The following PPP1R16A variants were observed in gnomAD, a reference collection of about 807,000 sequenced individuals.
PPP1R16A encodes the protein myosin phosphatase-targeting subunit 3.
PPP1R16A carries 39 observed loss-of-function variants against 46.6 expected under a neutral mutation model. The observed-to-expected ratio is 0.84, with a 90% CI of 0.65 to 1.09. PPP1R16A has a LOEUF of 1.09. PPP1R16A is among the 50% of genes least tolerant of loss of function. PPP1R16A has a pLI of 0.00. For missense variants in PPP1R16A, 798 were observed against 735.6 expected (o/e 1.08, Z -0.98); for synonymous variants, 413 against 321.5 (o/e 1.28, Z -3.04).
Position 144,497,409 on chromosome 8 carries a change from G to C in PPP1R16A, c.215G>C (p.Ser72Thr), listed in dbSNP as rs1554890123. The C allele has an allele frequency of 1.2e-6, 2 of 1,613,058 alleles. No homozygotes were observed. Among genetic ancestry groups the C allele is most frequent in the Admixed American group, 1.7e-5 (1 of 60,030 alleles). The stretch of plus-strand genomic sequence containing the variant: ...CTGAAGCAGGTCCTCTTCCCTCCCA[G>C]TGTTGTCCTTCTGGAGGCCGCTGCC... ...GLLKQVLFPP[S>T]VVLLEAAARN... The change falls in exon 3 of 12, where the codon AGT becomes ACT. Residue 72 changes from serine to threonine, a missense_variant. By Grantham distance (58) the Ser-to-Thr change is moderately conservative. Coordinates refer to ENST00000435887, the MANE Select transcript of PPP1R16A (RefSeq NM_001329443.2).
chr8:144,483,103 A>G (rs139046396), intron 1 of PPP1R16A, among the ~76,000 whole-genome samples: 323 of 152,248 alleles, frequency 2.1e-3, no homozygotes, highest in African/African-American at 7.3e-3. Context: ...TCTTTTGCGT[A>G]TGTACCCAGA....
chr8:144,501,341 T>G, intron 11 of PPP1R16A, 47 bp downstream of exon 11: 2 of 1,530,640 alleles, frequency 1.3e-6, no homozygotes, highest in South Asian at 2.4e-5. Context: ...TGGGCCTGGC[T>G]CTGCCCTGGT....
Position 144,500,988 on chromosome 8 carries a change from G to GC in PPP1R16A, c.1037+18dup, listed in dbSNP as rs1486610955. ...CAGCCGCGGGTGAGCGCCGCCCCCA[G>GC]CAGGCCCCGCCCCGGGCTTGGCCCC... On this transcript the variant is annotated intron_variant, in intron 10 of 11. Transcript: ENST00000435887. 4 of 1,433,900 alleles carry GC rather than the reference G, an allele frequency of 2.8e-6. No individual in the cohort carries two copies. The allele number at this position is 1,433,900 out of a possible 1,614,324, so 88.8% of individuals were successfully genotyped here.
At position 144,501,568 on chromosome 8, in the gene PPP1R16A, T is replaced by TCCC; in HGVS notation, c.1254_1256dup (p.Pro419dup). Reference sequence around the variant, plus strand: ...GCCGCACAATGGCCGAGTAGGGGGCTCCCCAGTGCGGCATCTATACTCCAA... The same window carrying TCCC: ...GCCGCACAATGGCCGAGTAGGGGGCTCCCCCCCAGTGCGGCATCTATACTCCAA... On this transcript the variant is annotated inframe_insertion, in exon 12 of 12. Transcript: ENST00000435887. 1 of 1,593,550 alleles carries TCCC rather than the reference T, an allele frequency of 6.3e-7. No homozygotes were observed.
At chr8:144,492,926 T>A (rs1214768497) in intron 2 of PPP1R16A, among the ~76,000 whole-genome samples, 1 of 152,022 alleles carries the variant, frequency 6.6e-6, no homozygotes. Context: ...CCATGGACAC[T>A]GGGAGATGGG....
intron 3 of PPP1R16A, 44 bp from the exon 4 acceptor site, chr8:144,498,726 G>T: frequency 1.3e-6 from 2 of 1,533,218 alleles, no homozygotes; most frequent in South Asian, 2.5e-5. Flanking sequence ...GACAGGACCT[G>T]ACCAGGGGCA....
chr8:144,486,207 G>C (rs1825621940), intron 1 of PPP1R16A, among the ~76,000 whole-genome samples: 1 of 151,760 alleles, frequency 6.6e-6, no homozygotes, highest in Admixed American at 6.6e-5. Flanking sequence ...GCAGTGGTGT[G>C]ATCTCGCGCC....
At position 144,500,684 on chromosome 8, in the gene PPP1R16A, A is replaced by C. The variant is rs1826383773; in HGVS notation, c.832-2A>C. On this transcript the variant is annotated splice_acceptor_variant, in intron 8 of 11. Coordinates refer to ENST00000435887, the MANE Select transcript of PPP1R16A (RefSeq NM_001329443.2). LOFTEE classifies it high-confidence loss of function. Reference sequence around the variant, plus strand: ...TCTGCAGCTCCGGCCTGCCGTCCACAGGTGCCCCTGGTGGAGCTGCTCGTG... The same window carrying C: ...TCTGCAGCTCCGGCCTGCCGTCCACCGGTGCCCCTGGTGGAGCTGCTCGTG... The C allele has an allele frequency of 6.2e-7, 1 of 1,610,398 alleles. No homozygotes were observed. The highest frequency in any genetic ancestry group is 8.5e-7 in the Non-Finnish European group (1 of 1,179,516).
chr8:144,480,276 GGC>G, intron 1 of PPP1R16A, among the ~76,000 whole-genome samples: 1 of 152,118 alleles, frequency 6.6e-6, no homozygotes, highest in Non-Finnish European at 1.5e-5. Context: ...TGAAGGGCTA[GGC>G]AGCAAACATT....
In PPP1R16A at chr8:144,496,741, TCAGGGGCTCA is replaced by T. The variant is rs1373615683; in HGVS notation, c.-444_-435del. Reference sequence around the variant, plus strand: ...AGCCTAGAAGGTGAAAAGAGGACTCTCAGGGGCTCACAGGGGCTCTCACTGCTGGTTGGCC... The same window carrying T: ...AGCCTAGAAGGTGAAAAGAGGACTCTCAGGGGCTCTCACTGCTGGTTGGCC... On this transcript the variant is annotated 5_prime_UTR_variant, in exon 3 of 12. Transcript: ENST00000435887. 4 of 228,190 alleles carry T rather than the reference TCAGGGGCTCA, an allele frequency of 1.8e-5. No individual in the cohort carries two copies. Among genetic ancestry groups the T allele is most frequent in the Non-Finnish European group, 3.5e-5 (4 of 112,790 alleles). The allele number at this position is 228,190 out of a possible 1,614,324, so 14.1% of individuals were successfully genotyped here.
chr8:144,489,455 C>G (rs1341639178), intron 1 of PPP1R16A, among the ~76,000 whole-genome samples: 1 of 151,802 alleles, frequency 6.6e-6, no homozygotes, highest in East Asian at 1.9e-4. Context: ...GACACTCAGA[C>G]CCTCCCTCCT....
intron 2 of PPP1R16A, among the ~76,000 whole-genome samples, chr8:144,492,140 C>T (rs1001938892): frequency 3.9e-5 from 6 of 152,138 alleles, no homozygotes; most frequent in East Asian, 1.9e-4. Context: ...CCGTCACTGC[C>T]GGGGCTCCCG....
chr8:144,499,071 G>A lies in PPP1R16A; in HGVS notation c.476+10G>A, dbSNP rs758829737. Reference sequence around the variant, plus strand: ...AGCTGCTCATCGCCAGGTAGGGCCTGTTGGGCGTCCTTGGCAGGGAGAGGC... The same window carrying A: ...AGCTGCTCATCGCCAGGTAGGGCCTATTGGGCGTCCTTGGCAGGGAGAGGC... On this transcript the variant is annotated intron_variant, in intron 5 of 11. Coordinates refer to ENST00000435887, the MANE Select transcript of PPP1R16A (RefSeq NM_001329443.2). 6.4e-7 allele frequency: 1 copy of A among 1,565,864 alleles called. No individual in the cohort carries two copies. The highest frequency in any genetic ancestry group is 1.3e-5 in the African/African-American group (1 of 74,320).
At position 144,493,911 on chromosome 8, in the gene PPP1R16A, C is replaced by T. The variant is rs1172055009; in HGVS notation, c.-734-2550C>T. Among the ~76,000 whole-genome samples, 2 of 152,058 alleles carry T rather than the reference C, an allele frequency of 1.3e-5. No individual in the cohort carries two copies. Among genetic ancestry groups the T allele is most frequent in the East Asian group, 1.9e-4 (1 of 5,184 alleles). On this transcript the variant is annotated intron_variant, in intron 2 of 11. Transcript: ENST00000435887. The surrounding 1 kb of genome is among the most constrained non-coding windows in gnomAD (Gnocchi z 4.3). Reference sequence around the variant, plus strand: ...TGGGGTGGGGGAGGTAGAGCCTCCCCGCCCGTGGGCCTCCCTCTGCAGCCA... The same window carrying T: ...TGGGGTGGGGGAGGTAGAGCCTCCCTGCCCGTGGGCCTCCCTCTGCAGCCA...
In PPP1R16A at chr8:144,501,817, G is replaced by T. The variant is rs1361299214; in HGVS notation, c.1501G>T (p.Ala501Ser). The T allele has an allele frequency of 1.3e-6, 2 of 1,552,710 alleles. No individual in the cohort carries two copies. The highest frequency in any genetic ancestry group is 4.9e-5 in the East Asian group (2 of 41,180). Reference protein sequence around the residue: ...VTPQPDCGFRAGGDPPLLKLT... With the variant: ...VTPQPDCGFRSGGDPPLLKLT... ...CCCCCAGCCTGACTGTGGCTTCAGG[G>T]CAGGCGGGGACCCACCCCTGCTCAA... Residue 501 changes from alanine (A) to serine (S), a missense_variant, in exon 12 of 12, where the codon GCA (alanine) becomes TCA (serine). By Grantham distance (99) the Ala-to-Ser change is moderately conservative. Transcript: ENST00000435887.
intron 5 of PPP1R16A, 155 bp from the exon 6 acceptor site, chr8:144,499,941 G>T: frequency 1.5e-6 from 1 of 681,134 alleles, no homozygotes; most frequent in East Asian, 2.7e-5. Flanking sequence ...GACAGCCGAT[G>T]GGCCCCAAGG....
chr8:144,493,903 A>AGCCTCCCCGCCCGTGG lies in PPP1R16A; in HGVS notation c.-734-2550_-734-2535dup, dbSNP rs1302366104. ...GTGCTGGGTGGGGTGGGGGAGGTAG[A>AGCCTCCCCGCCCGTGG]GCCTCCCCGCCCGTGGGCCTCCCTC... On this transcript the variant is annotated intron_variant, in intron 2 of 11. Transcript: ENST00000435887. The surrounding 1 kb of genome is among the most constrained non-coding windows in gnomAD (Gnocchi z 4.3). Among the ~76,000 whole-genome samples the AGCCTCCCCGCCCGTGG allele has an allele frequency of 1.3e-5, 2 of 151,538 alleles. No homozygotes were observed. The highest frequency in any genetic ancestry group is 2.9e-5 in the Non-Finnish European group (2 of 67,828).
At chr8:144,495,418 G>C (rs1192191109) in intron 2 of PPP1R16A, 1 of 152,232 alleles carries the variant, frequency 6.6e-6, no homozygotes, top group East Asian at 1.9e-4. Context: ...GCAGAGCACG[G>C]AGTGCCTTCT....
At chr8:144,499,590 C>A (rs2721150) in intron 5 of PPP1R16A, 1 of 182,386 alleles carries the variant, frequency 5.5e-6, no homozygotes, top group Admixed American at 5.5e-5. Flanking sequence ...GTGGGGTGTG[C>A]ATGGCGGTCG....
Sources: gnomAD v4.1 joint callset for allele counts (sites outside exome capture counted in the v4.1 genomes callset) on GRCh38, gnomAD v4.1.1 for gene constraint, Gnocchi (gnomAD v3.1) non-coding constraint, MANE v1.5 for transcripts, NCBI Gene and HGNC (gene_info 2026-07-23, HGNC 2026-07-21) for gene names.